The following RALYL variants were observed in gnomAD, a reference collection of about 807,000 sequenced individuals.
RALYL encodes the protein RNA-binding Raly-like protein.
RALYL carries 29 observed loss-of-function variants against 35.1 expected under a neutral mutation model. The observed-to-expected ratio is 0.83, with a 90% CI of 0.61 to 1.13. The LOEUF (loss-of-function observed/expected upper bound fraction) is 1.13, where lower values mean the gene tolerates loss of function less well. Ranked by LOEUF, RALYL falls within the 50% of genes most tolerant of loss-of-function variation. The pLI is 0.00. For missense variants in RALYL, 359 were observed against 360.4 expected, an observed-to-expected ratio of 1.00 and a Z score of 0.03; for synonymous variants, 120 against 127.6, an observed-to-expected ratio of 0.94 and a Z score of 0.40.
chr8:84,805,070 T>A (rs1824273125), intron 4 of RALYL, among the ~76,000 whole-genome samples: 1 of 152,176 alleles, frequency 6.6e-6, no homozygotes, highest in Non-Finnish European at 1.5e-5. Context: ...CCATATTCTC[T>A]TCATGTAAAA....
chr8:84,716,463 C>T (rs987138626), intron 2 of RALYL, among the ~76,000 whole-genome samples: 1 of 152,166 alleles, frequency 6.6e-6, no homozygotes, highest in Non-Finnish European at 1.5e-5. Flanking sequence ...TACTTGGTCA[C>T]ATGCTTGGCC....
chr8:84,295,044 T>C (rs1268179200), intron 1 of RALYL, among the ~76,000 whole-genome samples: 4 of 152,110 alleles, frequency 2.6e-5, no homozygotes, highest in Non-Finnish European at 5.9e-5. Flanking sequence ...CCCCAGATAT[T>C]ACCTACAGAA....
chr8:84,888,509 T>C (rs1863647), intron 8 of RALYL, among the ~76,000 whole-genome samples: 4,112 of 152,228 alleles, frequency 0.027, 105 homozygotes, highest in South Asian at 0.089. Context: ...TGCGGGCAAA[T>C]GTGGGTATAT....
chr8:84,676,620 A>G (rs551082003), intron 2 of RALYL, among the ~76,000 whole-genome samples: 401 of 152,246 alleles, frequency 2.6e-3, no homozygotes, highest in Non-Finnish European at 4.9e-3. Context: ...ACCCAATCCT[A>G]AAACAGCCTT....
At chr8:84,830,693 A>G (rs1830726031) in intron 4 of RALYL, among the ~76,000 whole-genome samples, 1 of 152,030 alleles carries the variant, frequency 6.6e-6, no homozygotes, top group African/African-American at 2.4e-5. Context: ...ATTAATGAGG[A>G]AAAAAAATGG....
intron 8 of RALYL, among the ~76,000 whole-genome samples, chr8:84,901,446 C>G (rs2135561306): frequency 6.6e-6 from 1 of 152,112 alleles, no homozygotes; most frequent in Admixed American, 6.5e-5. Flanking sequence ...TTACATTTGT[C>G]AAGTAAAAAA....
chr8:84,278,308 C>T (rs1835826741), intron 1 of RALYL, among the ~76,000 whole-genome samples: 1 of 152,214 alleles, frequency 6.6e-6, no homozygotes, highest in African/African-American at 2.4e-5. Flanking sequence ...GTCTGGGGTA[C>T]AGGGTGCCAT....
At chr8:84,761,622 T>C (rs943434431) in intron 2 of RALYL, among the ~76,000 whole-genome samples, 2 of 152,190 alleles carry the variant, frequency 1.3e-5, no homozygotes, top group East Asian at 3.8e-4. Context: ...GACCACTTTT[T>C]ACCTTCCACA....
intron 2 of RALYL, among the ~76,000 whole-genome samples, chr8:84,535,762 C>T (rs942184080): frequency 6.6e-5 from 10 of 151,968 alleles, no homozygotes; most frequent in African/African-American, 2.2e-4. Flanking sequence ...CGTGAGCCAC[C>T]GCGCCCGGCC....
chr8:84,468,508 G>A (rs961971515), intron 1 of RALYL, among the ~76,000 whole-genome samples: 6 of 149,944 alleles, frequency 4.0e-5, no homozygotes, highest in Admixed American at 2.7e-4. Flanking sequence ...TCTGCCGAGA[G>A]ATCTGCTGTT....
intron 5 of RALYL, among the ~76,000 whole-genome samples, chr8:84,857,036 GAAA>G (rs36119108): frequency 0.016 from 1,494 of 91,844 alleles, 17 homozygotes; most frequent in African/African-American, 0.056. Flanking sequence ...CTCCGTCTCA[GAAA>G]AAAAAAAAAA....
intron 1 of RALYL, among the ~76,000 whole-genome samples, chr8:84,244,119 A>G (rs1447080833): frequency 2.6e-5 from 4 of 152,102 alleles, no homozygotes; most frequent in African/African-American, 9.7e-5. Flanking sequence ...AGAAGCAACT[A>G]TGTATCTTAT....
intron 1 of RALYL, among the ~76,000 whole-genome samples, chr8:84,316,190 G>A (rs971876954): frequency 2.0e-5 from 3 of 151,974 alleles, no homozygotes; most frequent in Admixed American, 6.6e-5. Context: ...GTTTGCTAAC[G>A]ATTTACTCTT....
chr8:84,769,688 G>A (rs1014439357), intron 2 of RALYL, among the ~76,000 whole-genome samples: 4 of 152,096 alleles, frequency 2.6e-5, no homozygotes, highest in Admixed American at 6.6e-5. Flanking sequence ...TTGAACCCAG[G>A]AGGCAGAAGT....
chr8:84,641,009 T>C (rs1826185717), intron 2 of RALYL, among the ~76,000 whole-genome samples: 2 of 151,788 alleles, frequency 1.3e-5, no homozygotes. Context: ...ATTTATGACA[T>C]GCTTGGACTT....
chr8:84,849,554 TG>T (rs1398781298), intron 4 of RALYL, among the ~76,000 whole-genome samples: 238 of 149,628 alleles, frequency 1.6e-3, no homozygotes, highest in African/African-American at 5.8e-3. Flanking sequence ...AAAAGTTTTT[TG>T]TTTTTGTTTT....
intron 4 of RALYL, among the ~76,000 whole-genome samples, chr8:84,830,064 A>C (rs1830568782): frequency 1.3e-5 from 2 of 151,686 alleles, no homozygotes; most frequent in African/African-American, 4.8e-5. Context: ...GAAAAAGCAC[A>C]AAAGTATGAA....
At chr8:84,398,654 A>G (rs1213664023) in intron 1 of RALYL, among the ~76,000 whole-genome samples, 2 of 152,246 alleles carry the variant, frequency 1.3e-5, no homozygotes, top group South Asian at 4.2e-4. Context: ...GAACTTAAGA[A>G]TTGGTTCAAT....
At chr8:84,698,423 C>T (rs1839555928) in intron 2 of RALYL, among the ~76,000 whole-genome samples, 1 of 151,720 alleles carries the variant, frequency 6.6e-6, no homozygotes, top group Admixed American at 6.6e-5. Context: ...ATATAGAGTC[C>T]CAATGATAAT....
Sources: gnomAD v4.1 joint callset for allele counts (sites outside exome capture counted in the v4.1 genomes callset) on GRCh38, gnomAD v4.1.1 for gene constraint, MANE v1.5 for transcripts, NCBI Gene and HGNC (gene_info 2026-07-23, HGNC 2026-07-21) for gene names.